The following GALNTL5 variants were observed in gnomAD, a reference collection of about 807,000 sequenced individuals.
GALNTL5 encodes the protein inactive polypeptide N-acetylgalactosaminyltransferase-like protein 5.
In GALNTL5, 44 loss-of-function variants were observed where a neutral mutation model predicts 51.0. The ratio of observed to expected loss-of-function variants is 0.86; its 90% CI spans 0.68 to 1.11. The LOEUF is 1.11. GALNTL5 is among the 50% of genes least tolerant of loss of function. The pLI is 0.00. For synonymous variants in GALNTL5, 192 were observed against 182.8 expected, an observed-to-expected ratio of 1.05 and a Z score of -0.41; for missense variants, 528 against 531.8, an observed-to-expected ratio of 0.99 and a Z score of 0.07.
intron 1 of GALNTL5, among the ~76,000 whole-genome samples, chr7:151,964,115 C>T (rs1049431340): frequency 5.3e-5 from 8 of 152,240 alleles, no homozygotes; most frequent in South Asian, 2.1e-4. Context: ...GTTGCCTTCG[C>T]GCTGTGCCCT....
rs186929902 is a variant in GALNTL5 at position 151,987,149 on chromosome 7, A to C, written c.536-10A>C. ...GTTTATACATTCTCATGTGTTGAAT[A>C]TTTTTCCAGATGATTTGAAAGAAAA... On this transcript the variant is annotated splice_polypyrimidine_tract_variant and intron_variant, in intron 4 of 8. Coordinates refer to ENST00000392800, the MANE Select transcript of GALNTL5 (RefSeq NM_145292.4). 4 of 1,585,914 alleles carry C rather than the reference A, an allele frequency of 2.5e-6. No individual in the cohort carries two copies. The Admixed American group carries it at 7.5e-5, about 30-fold the overall frequency.
intron 5 of GALNTL5, among the ~76,000 whole-genome samples, chr7:151,998,849 TG>T (rs2081534959): frequency 1.3e-5 from 2 of 151,420 alleles, no homozygotes; most frequent in Non-Finnish European, 2.9e-5. Flanking sequence ...GCTAATCATG[TG>T]GAAAATTCAA....
chr7:151,968,157 G>C (rs1415120816), intron 2 of GALNTL5, among the ~76,000 whole-genome samples: 1 of 152,010 alleles, frequency 6.6e-6, no homozygotes, highest in Non-Finnish European at 1.5e-5. Flanking sequence ...AAACTAGCCA[G>C]GTGTAGTGGT....
chr7:151,995,852 A>G (rs2081493095), intron 5 of GALNTL5, among the ~76,000 whole-genome samples: 1 of 152,240 alleles, frequency 6.6e-6, no homozygotes, highest in Non-Finnish European at 1.5e-5. Context: ...CAGAGGTTTT[A>G]GAACTCATCA....
chr7:151,985,499 C>T (rs1004806195), intron 4 of GALNTL5, among the ~76,000 whole-genome samples: 1 of 152,150 alleles, frequency 6.6e-6, no homozygotes, highest in Non-Finnish European at 1.5e-5. Flanking sequence ...TCAACAAAAC[C>T]CTGTCTGTCC....
intron 7 of GALNTL5, among the ~76,000 whole-genome samples, chr7:152,011,093 C>T (rs950984505): frequency 6.6e-6 from 1 of 152,160 alleles, no homozygotes; most frequent in Non-Finnish European, 1.5e-5. Flanking sequence ...CCCAAATTCA[C>T]AGAACTAGTA....
At chr7:152,004,428 A>G (rs1266618685) in intron 6 of GALNTL5, among the ~76,000 whole-genome samples, 2 of 151,698 alleles carry the variant, frequency 1.3e-5, no homozygotes, top group Non-Finnish European at 2.9e-5. Context: ...AAAAGAAAAA[A>G]TAAATTTTAT....
Position 152,007,968 on chromosome 7 carries a change from A to C in GALNTL5, c.1026+24A>C, listed in dbSNP as rs751030853. ...GGGTAATTCAGATTTCATTTTTAAA[A>C]TAGCTATAGAGAGTGAAACCTAACT... On this transcript the variant is annotated intron_variant, in intron 7 of 8. Transcript: ENST00000392800. 2.4e-6 allele frequency: 3 copies of C among 1,251,236 alleles called. No homozygotes were observed. In the Admixed American group the frequency reaches 5.1e-5, roughly 21 times the overall value. The allele number at this position is 1,251,236 out of a possible 1,614,324, so 77.5% of individuals were successfully genotyped here. A position where few individuals can be genotyped will look rare whatever the true frequency, so the allele number is the denominator to read the frequency against.
intron 4 of GALNTL5, 53 bp from the exon 5 acceptor site, chr7:151,987,106 T>C: frequency 8.2e-6 from 12 of 1,457,594 alleles, no homozygotes; most frequent in Non-Finnish European, 1.1e-5. Context: ...ATACACTGTT[T>C]CAATTTCTAT....
intron 1 of GALNTL5, among the ~76,000 whole-genome samples, chr7:151,965,264 A>G (rs927857835): frequency 2.6e-5 from 4 of 152,124 alleles, no homozygotes; most frequent in African/African-American, 9.7e-5. Context: ...CACACGTCCA[A>G]TAACGTTCTC....
chr7:151,972,218 G>A (rs1420022363), intron 3 of GALNTL5, among the ~76,000 whole-genome samples: 1 of 152,216 alleles, frequency 6.6e-6, no homozygotes, highest in East Asian at 1.9e-4. Context: ...TCCAGGCTGA[G>A]GTGGTCTCAG....
chr7:152,013,164 G>A (rs2081761225), intron 7 of GALNTL5, among the ~76,000 whole-genome samples: 1 of 152,100 alleles, frequency 6.6e-6, no homozygotes, highest in Non-Finnish European at 1.5e-5. Context: ...ACACAAAGCA[G>A]GGAACAACAG....
intron 3 of GALNTL5, among the ~76,000 whole-genome samples, chr7:151,972,057 T>G (rs182015855): frequency 6.6e-6 from 1 of 152,150 alleles, no homozygotes; most frequent in Admixed American, 6.5e-5. Context: ...CCTAAAAATG[T>G]AGAAGCAACT....
At chr7:151,971,130 G>GATAA (rs2081131914) in intron 3 of GALNTL5, 65 bp downstream of exon 3, 2 of 1,314,522 alleles carry the variant, frequency 1.5e-6, no homozygotes, top group South Asian at 2.5e-5. Context: ...TAGATAGATA[G>GATAA]ATAGATAGAA....
intron 2 of GALNTL5, 133 bp downstream of exon 2, chr7:151,967,626 G>T (rs1019895973): frequency 1.7e-6 from 1 of 600,328 alleles, no homozygotes; most frequent in Non-Finnish European, 2.7e-6. Flanking sequence ...TTTATATAGT[G>T]TATATATCTA....
intron 1 of GALNTL5, among the ~76,000 whole-genome samples, chr7:151,964,427 T>G (rs758271673): frequency 2.0e-5 from 3 of 152,106 alleles, no homozygotes; most frequent in African/African-American, 7.2e-5. Context: ...CATTGAATCA[T>G]GGGGGCAGGT....
chr7:152,001,895 A>T (rs1439496652), intron 5 of GALNTL5, among the ~76,000 whole-genome samples: 6 of 152,150 alleles, frequency 3.9e-5, no homozygotes, highest in Non-Finnish European at 7.3e-5. Context: ...TACAAGAAAA[A>T]GTCTAAACTC....
intron 5 of GALNTL5, among the ~76,000 whole-genome samples, chr7:151,995,847 G>T (rs1035100160): frequency 1.3e-5 from 2 of 152,106 alleles, no homozygotes; most frequent in African/African-American, 4.8e-5. Context: ...GCTCTCAGAG[G>T]TTTTAGAACT....
Position 152,006,029 on chromosome 7 carries a change from G to T in GALNTL5, c.909-1798G>T, listed in dbSNP as rs146583858. ...GTAGAGGACCAGCCCTGAGCCCTGG[G>T]TGCTTCAACATTGACAGTTGAGAGG... On this transcript the variant is annotated intron_variant, in intron 6 of 8. Coordinates refer to ENST00000392800, the MANE Select transcript of GALNTL5 (RefSeq NM_145292.4). Among the ~76,000 whole-genome samples, 452 of 152,050 alleles carry T rather than the reference G, an allele frequency of 3.0e-3. 2 individuals are homozygous for T. The highest frequency in any genetic ancestry group is 0.01 in the African/African-American group (429 of 41,422).
Sources: gnomAD v4.1 joint callset for allele counts (sites outside exome capture counted in the v4.1 genomes callset) on GRCh38, gnomAD v4.1.1 for gene constraint, MANE v1.5 for transcripts, NCBI Gene and HGNC (gene_info 2026-07-23, HGNC 2026-07-21) for gene names.